PAIP2B: variants seen among roughly 807,000 people sequenced by gnomAD.
The protein encoded by PAIP2B is poly(A) binding protein interacting protein 2B, also known as polyadenylate-binding protein-interacting protein 2B.
In PAIP2B, 13 loss-of-function variants were observed where a neutral mutation model predicts 17.0. The observed-to-expected ratio is 0.76, with a 90% CI of 0.50 to 1.22. PAIP2B has a LOEUF of 1.22. Among genes scored for constraint, PAIP2B ranks in the 50% most tolerant of loss-of-function variants. PAIP2B has a pLI of 0.00. For missense variants in PAIP2B, 117 were observed against 144.5 expected (o/e 0.81, Z 0.98); for synonymous variants, 43 against 48.7 (o/e 0.88, Z 0.48).
At chr2:71,212,145 G>A (rs1675317413) in intron 1 of PAIP2B, among the ~76,000 whole-genome samples, 1 of 152,142 alleles carries the variant, frequency 6.6e-6, no homozygotes, top group African/African-American at 2.4e-5. Context: ...TCACCAACAA[G>A]TGTCTCCATA....
intron 1 of PAIP2B, among the ~76,000 whole-genome samples, chr2:71,215,190 G>A (rs1354787273): frequency 6.6e-6 from 1 of 152,110 alleles, no homozygotes; most frequent in African/African-American, 2.4e-5. Flanking sequence ...GAGGCATACA[G>A]TCCAGGAGCC....
chr2:71,188,713 ATCT>A (rs1289599426), intron 3 of PAIP2B, among the ~76,000 whole-genome samples, 178 bp from the exon 4 acceptor site: 1 of 152,140 alleles, frequency 6.6e-6, no homozygotes, highest in East Asian at 1.9e-4. Context: ...GAGCAAGCTC[ATCT>A]TCTCCTTCCT....
chr2:71,194,657 G>A (rs1450097648), intron 2 of PAIP2B, among the ~76,000 whole-genome samples: 1 of 152,170 alleles, frequency 6.6e-6, no homozygotes, highest in East Asian at 1.9e-4. Context: ...GAGTTTTCTA[G>A]ATATAGAATC....
chr2:71,209,123 T>A (rs1287732757), intron 1 of PAIP2B, among the ~76,000 whole-genome samples: 1 of 152,134 alleles, frequency 6.6e-6, no homozygotes, highest in African/African-American at 2.4e-5. Flanking sequence ...GAGTCTCTGA[T>A]GACCTTAATG....
rs1333388311 is a variant in PAIP2B, at chr2:71,184,021, T to C, written c.*4458A>G. 1 of 152,230 alleles carries C rather than the reference T, an allele frequency of 6.6e-6. No individual in the cohort carries two copies. Among genetic ancestry groups the C allele is most frequent in the African/African-American group, 2.4e-5 (1 of 41,452 alleles). The allele number at this position is 152,230 out of a possible 1,614,324, so 9.4% of individuals were successfully genotyped here. ...GAGGCTCATAATCAACAGGACAGAA[T>C]AACTACTTAGTGATGATTTACAGAG... On this transcript the variant is annotated 3_prime_UTR_variant, in exon 4 of 4. Transcript: ENST00000244221.
rs184735751 is a variant in PAIP2B at position 71,190,419 on chromosome 2, G to A, written c.139-398C>T. On this transcript the variant is annotated intron_variant, in intron 2 of 3. Transcript: ENST00000244221. Reference sequence around the variant, plus strand: ...AGTCTGGGCGACAGAATGAGACCCCGATTCTTTAAAAAATAAAAATATATT... The same window carrying A: ...AGTCTGGGCGACAGAATGAGACCCCAATTCTTTAAAAAATAAAAATATATT... 6.0e-4 allele frequency among the ~76,000 whole-genome samples: 92 copies of A among 152,114 alleles called. 3 individuals are homozygous for A. The East Asian group carries it at 0.016, about 27-fold the overall frequency.
intron 1 of PAIP2B, among the ~76,000 whole-genome samples, chr2:71,215,329 C>G (rs1675400990): frequency 6.6e-6 from 1 of 152,104 alleles, no homozygotes; most frequent in Non-Finnish European, 1.5e-5. Flanking sequence ...AGACTCCCCC[C>G]AGCCTCCCAA....
In PAIP2B at chr2:71,202,677, G is replaced by C. The variant is rs1675016278; in HGVS notation, c.-11-77C>G. 13 of 1,248,780 alleles carry C rather than the reference G, an allele frequency of 1.0e-5. No homozygotes were observed. In the South Asian group the frequency reaches 1.6e-4, roughly 15 times the overall value. 77.4% of individuals were successfully genotyped at this position (1,248,780 alleles called of 1,614,324 possible). On this transcript the variant is annotated intron_variant, in intron 1 of 3. Transcript: ENST00000244221. ...TAGAGACCTAAAACATGCAGATTCTGTCAGAAGCTTCTGAAATTCTAAGTC... is the reference window on the plus strand; with the variant it reads ...TAGAGACCTAAAACATGCAGATTCTCTCAGAAGCTTCTGAAATTCTAAGTC...
chr2:71,203,078 A>T (rs1675026877), intron 1 of PAIP2B, among the ~76,000 whole-genome samples: 1 of 152,190 alleles, frequency 6.6e-6, no homozygotes, highest in Non-Finnish European at 1.5e-5. Context: ...CAAAAAGGAA[A>T]AAACAAAAGC....
intron 2 of PAIP2B, among the ~76,000 whole-genome samples, chr2:71,192,204 A>G (rs1674702702): frequency 6.6e-6 from 1 of 151,894 alleles, no homozygotes; most frequent in South Asian, 2.1e-4. Flanking sequence ...AATGAAAAAT[A>G]TTATATATGG....
At chr2:71,192,954 A>C (rs1249022403) in intron 2 of PAIP2B, among the ~76,000 whole-genome samples, 2 of 152,188 alleles carry the variant, frequency 1.3e-5, no homozygotes, top group Non-Finnish European at 2.9e-5. Flanking sequence ...TGGGTCTACA[A>C]CCAGTAATGG....
rs551272170 is a variant in PAIP2B at position 71,204,759 on chromosome 2, T to C, written c.-11-2159A>G. Among the ~76,000 whole-genome samples the C allele has an allele frequency of 2.8e-4, 42 of 152,316 alleles. 1 individual carries two copies. In the South Asian group the frequency reaches 7.7e-3, roughly 28 times the overall value. ...ACTTCCATCTGTAGCATAACAGTGA[T>C]AGAAGCAAGTCTGTTCTAAATGCCA... On this transcript the variant is annotated intron_variant, in intron 1 of 3. Coordinates refer to ENST00000244221, the MANE Select transcript of PAIP2B (RefSeq NM_020459.1).
intron 1 of PAIP2B, among the ~76,000 whole-genome samples, chr2:71,226,291 G>A (rs1424095553): frequency 6.6e-6 from 1 of 152,176 alleles, no homozygotes; most frequent in Non-Finnish European, 1.5e-5. Flanking sequence ...GAAAATGTTA[G>A]TTTTCTGGAG....
At chr2:71,199,811 T>G (rs1019540943) in intron 2 of PAIP2B, among the ~76,000 whole-genome samples, 23 of 152,256 alleles carry the variant, frequency 1.5e-4, no homozygotes, top group African/African-American at 5.5e-4. Flanking sequence ...GGACCACTTG[T>G]GCCTAGGGGT....
chr2:71,211,496 A>G (rs1675297615), intron 1 of PAIP2B, among the ~76,000 whole-genome samples: 1 of 151,896 alleles, frequency 6.6e-6, no homozygotes, highest in African/African-American at 2.4e-5. Context: ...CCTCGAATAT[A>G]GTGACAACCT....
chr2:71,197,253 T>C (rs1411010785), intron 2 of PAIP2B, among the ~76,000 whole-genome samples: 2 of 152,226 alleles, frequency 1.3e-5, no homozygotes, highest in Non-Finnish European at 2.9e-5. Context: ...AAAAGGATCT[T>C]ATTTTTCCTT....
intron 2 of PAIP2B, among the ~76,000 whole-genome samples, chr2:71,200,560 T>C (rs1279915861): frequency 6.6e-5 from 10 of 152,184 alleles, no homozygotes; most frequent in Non-Finnish European, 1.2e-4. Context: ...AAGACCAGCC[T>C]AGCCAACATG....
Position 71,203,670 on chromosome 2 carries a change from G to T in PAIP2B, c.-11-1070C>A, listed in dbSNP as rs558136834. 1.1e-4 allele frequency among the ~76,000 whole-genome samples: 17 copies of T among 151,178 alleles called. No homozygotes were observed. In the East Asian group the frequency reaches 3.3e-3, roughly 29 times the overall value. On this transcript the variant is annotated intron_variant, in intron 1 of 3. Transcript: ENST00000244221. ...GTACTTTGCCCATTTTTCTATTGGG[G>T]TATATATCTTTTCCTTATCTTTTGT...
intron 1 of PAIP2B, among the ~76,000 whole-genome samples, chr2:71,223,623 G>A (rs1558785060): frequency 6.6e-6 from 1 of 151,790 alleles, no homozygotes; most frequent in Non-Finnish European, 1.5e-5. Context: ...ATTTTTAGTA[G>A]AGACAGGGTT....
Sources: gnomAD v4.1 joint callset for allele counts (sites outside exome capture counted in the v4.1 genomes callset) on GRCh38, gnomAD v4.1.1 for gene constraint, MANE v1.5 for transcripts, NCBI Gene and HGNC (gene_info 2026-07-23, HGNC 2026-07-21) for gene names.